ARMC5: variants seen among roughly 807,000 people sequenced by gnomAD.
ARMC5 encodes the protein armadillo repeat containing 5, also known as armadillo repeat-containing protein 5.
ARMC5 carries 28 observed loss-of-function variants against 60.5 expected under a neutral mutation model. The ratio of observed to expected loss-of-function variants is 0.46; its 90% confidence interval spans 0.34 to 0.63. The LOEUF (loss-of-function observed/expected upper bound fraction) is 0.63. ARMC5 is among the 30% of genes least tolerant of loss of function. ARMC5 has a pLI of 0.01. For synonymous variants in ARMC5, 680 were observed against 607.3 expected (o/e 1.12, Z -1.76); for missense variants, 1,189 against 1,304.9 (o/e 0.91, Z 1.37).
chr16:31,459,582 G>T lies in ARMC5; in HGVS notation c.58G>T (p.Ala20Ser). Residue 20 changes from alanine (A) to serine (S), a missense_variant, in exon 1 of 6, where the codon GCG becomes TCG. Around this residue, in one of 2 missense-constraint regions of ARMC5, gnomAD observed 327 missense variants for 233.7 expected, o/e 1.40. Coordinates refer to ENST00000268314, the MANE Select transcript of ARMC5 (RefSeq NM_001105247.2). ...GCTCTCGTTCTGCCTCGCGCAGCTC[G>T]CGGCGGCGGCCGGGGAGGCTCTGGG... ...DSLSFCLAQL[A>S]AAAGEALGGE... is the part of the protein sequence containing the mutation. The T allele has an allele frequency of 6.2e-7, 1 of 1,603,712 alleles. No homozygotes were observed.
rs1473236430 is a variant in ARMC5, at chr16:31,459,856, C to T, written c.332C>T (p.Pro111Leu). The T allele has an allele frequency of 3.8e-6, 6 of 1,596,694 alleles. No homozygotes were observed. Among genetic ancestry groups the T allele is most frequent in the Non-Finnish European group, 4.2e-6 (5 of 1,176,992 alleles). The stretch of plus-strand genomic sequence containing the variant: ...CCCGCCCCCGCGTCGGGCCCCGCCC[C>T]CTCCGCTGTGTCGTCGTCTAGTCCT... ...SSPAPASGPA[P>L]SAVSSSSPTP... is the part of the protein sequence containing the mutation. Residue 111 changes from proline (P) to leucine (L), a missense_variant, in exon 1 of 6, where the codon CCC (proline) becomes CTC (leucine). Physicochemically the swap from Pro to Leu is moderately conservative, Grantham distance 98. Around this residue, in one of 2 missense-constraint regions of ARMC5, gnomAD observed 327 missense variants for 233.7 expected, o/e 1.40. Coordinates refer to ENST00000268314, the MANE Select transcript of ARMC5 (RefSeq NM_001105247.2).
In ARMC5 at chr16:31,466,791, G is replaced by A. The variant is rs1365336335; in HGVS notation, c.2710G>A (p.Gly904Arg). The change falls in exon 6 of 6, where the codon GGG (glycine) becomes AGG (arginine). Residue 904 changes from glycine to arginine, a missense_variant. Gly to Arg is a moderately radical substitution (Grantham distance 125). This residue lies in a region of ARMC5 where 862 missense variants were observed against 1,071.2 expected (regional missense o/e 0.80). Coordinates refer to ENST00000268314, the MANE Select transcript of ARMC5 (RefSeq NM_001105247.2). This position sits in a 1 kb window ranked among gnomAD's most constrained non-coding sequence, Gnocchi z 8.0. ...CPRKRGLALV[G>R]LVEAAGEEAG... Reference sequence around the variant, plus strand: ...GAGGAAGCGGGGTCTGGCCCTGGTGGGGCTTGTGGAGGCAGCAGGTGAAGA... The same window carrying A: ...GAGGAAGCGGGGTCTGGCCCTGGTGAGGCTTGTGGAGGCAGCAGGTGAAGA... The A allele has an allele frequency of 1.6e-5, 26 of 1,589,516 alleles. No individual in the cohort carries two copies. The highest frequency in any genetic ancestry group is 2.2e-5 in the Non-Finnish European group (26 of 1,169,224).
At position 31,466,099 on chromosome 16, in the gene ARMC5, G is replaced by A. The variant is rs780741393; in HGVS notation, c.2018G>A (p.Arg673Gln). The stretch of plus-strand genomic sequence containing the variant: ...TGTAGGAAGCCCTCTCTGTGGCGCC[G>A]GCTGCTTCTGGAGCAGGGTGGTCTC... The part of the protein sequence containing the change: ...FICRKPSLWR[R>Q]LLLEQGGLRL... Residue 673 changes from arginine (R) to glutamine (Q), a missense_variant, in exon 6 of 6, where the codon CGG (arginine) becomes CAG (glutamine). Physicochemically the swap from Arg to Gln is conservative, Grantham distance 43. Transcript: ENST00000268314. The surrounding 1 kb of genome is among the most constrained non-coding windows in gnomAD (Gnocchi z 8.0). 6.9e-6 allele frequency: 11 copies of A among 1,600,076 alleles called. No homozygotes were observed. The highest frequency in any genetic ancestry group is 1.6e-4 in the Middle Eastern group (1 of 6,064).
At position 31,462,373 on chromosome 16, in the gene ARMC5, C is replaced by T. The variant is rs747051184; in HGVS notation, c.826C>T (p.Gln276Ter). The change falls in exon 3 of 6, where the codon CAG (glutamine) becomes TAG (stop). Residue 276 changes from glutamine (Q) to a stop codon, truncating the protein, a stop_gained. Transcript: ENST00000268314. LOFTEE classifies it high-confidence loss of function. The surrounding 1 kb of genome is among the most constrained non-coding windows in gnomAD (Gnocchi z 7.2). ...AGGCTGCTCCCGGGCCTGTGCTGAG[C>T]AGCTAAGTCTGGGTGGGGGATTGGG... ...SRGCSRACAE[Q>*]LSLGGGLGPL... 6.2e-7 allele frequency: 1 copy of T among 1,609,434 alleles called. No homozygotes were observed. The highest frequency in any genetic ancestry group is 1.3e-5 in the African/African-American group (1 of 75,002).
chr16:31,459,999 G>A lies in ARMC5; in HGVS notation c.475G>A (p.Val159Met). 1 of 1,596,168 alleles carries A rather than the reference G, an allele frequency of 6.3e-7. No individual in the cohort carries two copies. Among genetic ancestry groups the A allele is most frequent in the Non-Finnish European group, 8.5e-7 (1 of 1,178,170 alleles). The change falls in exon 1 of 6, where the codon GTG becomes ATG. Residue 159 changes from valine (V) to methionine (M), a missense_variant and splice_region_variant. By Grantham distance (21) the Val-to-Met change is conservative. Coordinates refer to ENST00000268314, the MANE Select transcript of ARMC5 (RefSeq NM_001105247.2). ...CAGACTCGGAGGCATACTCCCTTTG[G>A]GTAAGTGCTCCGCCCCCGTTTCCTA... is the stretch of plus-strand genomic sequence containing the variant. ...VRRLGGILPL[V>M]TILQCMKTDS...
Position 31,465,905 on chromosome 16 carries a change from G to T in ARMC5, c.1920G>T (p.Gly640=). 2 of 1,609,004 alleles carry T rather than the reference G, an allele frequency of 1.2e-6. No homozygotes were observed. The highest frequency in any genetic ancestry group is 1.7e-6 in the Non-Finnish European group (2 of 1,179,836). ...TVQAESPFGV[G]ALTHLLLSGS... ...AGGCTGAGTCGCCCTTTGGGGTTGGGGCCCTGACGCACCTGCTGCTCTCTG... is the reference window on the plus strand; with the variant it reads ...AGGCTGAGTCGCCCTTTGGGGTTGGTGCCCTGACGCACCTGCTGCTCTCTG... The change falls in exon 5 of 6, where the codon GGG becomes GGT. Residue 640 remains glycine (G), a synonymous_variant. Transcript: ENST00000268314.
chr16:31,462,007 C>T lies in ARMC5; in HGVS notation c.561C>T (p.Ser187=). The T allele has an allele frequency of 6.2e-7, 1 of 1,614,182 alleles. No individual in the cohort carries two copies. The highest frequency in any genetic ancestry group is 1.1e-5 in the South Asian group (1 of 91,086). The change falls in exon 2 of 6, where the codon AGC becomes AGT. Residue 187 remains serine, a synonymous_variant. Transcript: ENST00000268314. This position sits in a 1 kb window ranked among gnomAD's most constrained non-coding sequence, Gnocchi z 7.2. ...ALGNLAMEPE[S]CGDIHCAGAV... ...GGAACTTAGCCATGGAACCTGAGAG[C>T]TGTGGGGACATCCACTGTGCTGGTA... is the stretch of plus-strand genomic sequence containing the variant.
Position 31,459,795 on chromosome 16 carries a change from T to C in ARMC5, c.271T>C (p.Ser91Pro), listed in dbSNP as rs2082285226. Residue 91 changes from serine to proline, a missense_variant, in exon 1 of 6, where the codon TCC becomes CCC. Physicochemically the swap from Ser to Pro is moderately conservative, Grantham distance 74. Around this residue, in one of 2 missense-constraint regions of ARMC5, gnomAD observed 327 missense variants for 233.7 expected, o/e 1.40. Coordinates refer to ENST00000268314, the MANE Select transcript of ARMC5 (RefSeq NM_001105247.2). ...GSAPSQAGPG[S>P]APSSAASGAS... The stretch of plus-strand genomic sequence containing the variant: ...CGCCCCGTCCCAGGCAGGCCCCGGC[T>C]CCGCCCCCTCGTCGGCCGCGTCGGG... 6.5e-7 allele frequency: 1 copy of C among 1,538,806 alleles called. No individual in the cohort carries two copies. Among genetic ancestry groups the C allele is most frequent in the Non-Finnish European group, 8.7e-7 (1 of 1,148,964 alleles).
Position 31,464,396 on chromosome 16 carries a change from C to T in ARMC5, c.1373C>T (p.Ser458Leu), listed in dbSNP as rs1252478434. 14 of 1,521,150 alleles carry T rather than the reference C, an allele frequency of 9.2e-6. No homozygotes were observed. The highest frequency in any genetic ancestry group is 2.3e-5 in the East Asian group (1 of 43,030). 94.2% of individuals were successfully genotyped at this position (1,521,150 alleles called of 1,614,324 possible). ...CCTTCCCTTTCTGCCCTCCGCAGGTCGTGGCTGATCTCCGAGGGCTATGCC... is the reference window on the plus strand; with the variant it reads ...CCTTCCCTTTCTGCCCTCCGCAGGTTGTGGCTGATCTCCGAGGGCTATGCC... ...AQGGSFRSLR[S>L]WLISEGYATG... Residue 458 changes from serine (S) to leucine (L), a missense_variant and splice_region_variant, in exon 4 of 6, where the codon TCG (serine) becomes TTG (leucine). Coordinates refer to ENST00000268314, the MANE Select transcript of ARMC5 (RefSeq NM_001105247.2). The surrounding 1 kb of genome is among the most constrained non-coding windows in gnomAD (Gnocchi z 7.6).
At chr16:31,460,207 AG>A in intron 1 of ARMC5, 2 of 546,342 alleles carry the variant, frequency 3.7e-6, no homozygotes, top group African/African-American at 2.0e-5. Flanking sequence ...AGATAATTGT[AG>A]CCATTATCTA....
At chr16:31,460,049 T>C (rs2082290906) in intron 1 of ARMC5, 50 bp downstream of exon 1, 1 of 1,581,934 alleles carries the variant, frequency 6.3e-7, no homozygotes, top group Non-Finnish European at 8.6e-7. Context: ...GCAACTCCCT[T>C]GCTCTCTAGA....
At position 31,464,247 on chromosome 16, in the gene ARMC5, A is replaced by G; in HGVS notation, c.1371-147A>G. 1 of 681,606 alleles carries G rather than the reference A, an allele frequency of 1.5e-6. No individual in the cohort carries two copies. The highest frequency in any genetic ancestry group is 2.2e-6 in the Non-Finnish European group (1 of 454,924). The allele number at this position is 681,606 out of a possible 1,614,324, so 42.2% of individuals were successfully genotyped here. ...CAAGGCTGCAGTGAGCTAGGATCCC[A>G]CAACTGCATTCCAGCCTGGGCTATA... On this transcript the variant is annotated intron_variant, in intron 3 of 5. Coordinates refer to ENST00000268314, the MANE Select transcript of ARMC5 (RefSeq NM_001105247.2). This position sits in a 1 kb window ranked among gnomAD's most constrained non-coding sequence, Gnocchi z 7.6.
chr16:31,460,162 C>T (rs766962281), intron 1 of ARMC5, 163 bp downstream of exon 1: 19 of 723,208 alleles, frequency 2.6e-5, no homozygotes, highest in Non-Finnish European at 3.3e-5. Flanking sequence ...GACGTCACTG[C>T]ACTCTCTATA....
At chr16:31,459,439 CG>C, upstream of ARMC5, 3 of 1,543,356 alleles carry the variant, frequency 1.9e-6, no homozygotes, top group Non-Finnish European at 2.6e-6. Context: ...GTCAGCGAGG[CG>C]GTGCCCGACG....
In ARMC5 at chr16:31,464,556, C is replaced by A. The variant is rs775473200; in HGVS notation, c.1533C>A (p.Pro511=). 6.3e-7 allele frequency: 1 copy of A among 1,584,070 alleles called. No homozygotes were observed. The highest frequency in any genetic ancestry group is 8.6e-7 in the Non-Finnish European group (1 of 1,167,218). The change falls in exon 4 of 6, where the codon CCC becomes CCA. Residue 511 remains proline, a synonymous_variant. Transcript: ENST00000268314. This position sits in a 1 kb window ranked among gnomAD's most constrained non-coding sequence, Gnocchi z 7.6. ...PRTQRTPGRS[P]AAAIEEPWGR... is the part of the protein sequence containing the mutation. ...CCCAACGCACTCCGGGCCGCAGCCC[C>A]GCCGCCGCCATCGAGGAGCCTTGGG...
upstream of ARMC5, chr16:31,459,217 CCT>C: frequency 6.5e-7 from 1 of 1,532,054 alleles, no homozygotes; most frequent in Non-Finnish European, 8.7e-7. Context: ...GTTCGGAGGC[CCT>C]GGCCCACCTG....
rs35923277 is a variant in ARMC5, at chr16:31,461,954, A to G, written c.508A>G (p.Ile170Val). 66,931 of 1,614,072 alleles carry G rather than the reference A, an allele frequency of 0.041. 1,631 individuals are homozygous for G. Among genetic ancestry groups the G allele is most frequent in the Middle Eastern group, 0.056 (340 of 6,058 alleles). The change falls in exon 2 of 6, where the codon ATC becomes GTC. Residue 170 changes from isoleucine (I) to valine (V), a missense_variant. This residue lies in a region of ARMC5 where 862 missense variants were observed against 1,071.2 expected (regional missense o/e 0.80). Coordinates refer to ENST00000268314, the MANE Select transcript of ARMC5 (RefSeq NM_001105247.2). ...TCTTCAGTGCATGAAGACAGACAGCATCCAGAACCGAACGGCCCGTGCCCT... is the reference window on the plus strand; with the variant it reads ...TCTTCAGTGCATGAAGACAGACAGCGTCCAGAACCGAACGGCCCGTGCCCT... ...TILQCMKTDS[I>V]QNRTARALGN...
At position 31,461,881 on chromosome 16, in the gene ARMC5, G is replaced by A. The variant is rs762042093; in HGVS notation, c.476-41G>A. 9 of 1,564,078 alleles carry A rather than the reference G, an allele frequency of 5.8e-6. No individual in the cohort carries two copies. In the East Asian group the frequency reaches 2.0e-4, roughly 35 times the overall value. On this transcript the variant is annotated intron_variant, in intron 1 of 5. Transcript: ENST00000268314. ...CTCCAGGTTATTGATGTGAGAGACA[G>A]TAAGGGGTAGAACCCTCACAAGCCC...
upstream of ARMC5, chr16:31,459,156 A>G: frequency 6.6e-7 from 1 of 1,504,680 alleles, no homozygotes; most frequent in South Asian, 1.2e-5. Context: ...CGCCGAGTGC[A>G]CGCCGGGGGC....
Sources: allele counts gnomAD v4.1 joint callset, GRCh38; gene constraint gnomAD v4.1.1; regional missense constraint gnomAD v4.1.1; non-coding constraint Gnocchi (gnomAD v3.1); transcripts MANE v1.5; gene names NCBI Gene and HGNC (gene_info 2026-07-23, HGNC 2026-07-21).